Variants in TBL1XR1 observed in about 807,000 individuals in gnomAD.
TBL1XR1 encodes F-box-like/WD repeat-containing protein TBL1XR1.
A neutral mutation model predicts 66.9 loss-of-function variants in TBL1XR1; 5 were observed. The observed-to-expected ratio is 0.07, with a 90% CI of 0.04 to 0.16. The LOEUF is 0.16. TBL1XR1 is among the 10% of genes least tolerant of loss of function. The probability of loss-of-function intolerance (pLI) is 1.00; values close to 1 mark genes in which losing one functional copy is unlikely to be tolerated. For missense variants in TBL1XR1, 238 were observed against 623.2 expected (o/e 0.38, Z 6.58); for synonymous variants, 210 against 206.0 (o/e 1.02, Z -0.17).
chr3:177,043,324 CAT>C (rs963154849), intron 10 of TBL1XR1, among the ~76,000 whole-genome samples: 10 of 152,104 alleles, frequency 6.6e-5, no homozygotes, highest in Admixed American at 3.9e-4. Flanking sequence ...GTTTTTGCTT[CAT>C]ATGTTTTGAA....
At chr3:177,175,784 C>G (rs1734075502) in intron 1 of TBL1XR1, among the ~76,000 whole-genome samples, 1 of 152,104 alleles carries the variant, frequency 6.6e-6, no homozygotes, top group African/African-American at 2.4e-5. Flanking sequence ...TCAGGCCAGG[C>G]GCGGTGGCTC....
intron 1 of TBL1XR1, among the ~76,000 whole-genome samples, chr3:177,115,963 G>C (rs998693350): frequency 2.0e-5 from 3 of 152,160 alleles, no homozygotes; most frequent in African/African-American, 7.2e-5. Flanking sequence ...GGGAAGGAAT[G>C]AGGAGGCCAG....
intron 1 of TBL1XR1, among the ~76,000 whole-genome samples, chr3:177,172,679 AGGG>A (rs57285963): frequency 5.9e-5 from 3 of 51,164 alleles, no homozygotes; most frequent in Non-Finnish European, 1.2e-4. Context: ...AGGGGAGGGG[AGGG>A]GAGAGGGGAG....
At chr3:177,045,132 A>G (rs1716149167) in intron 10 of TBL1XR1, 1 of 152,142 alleles carries the variant, frequency 6.6e-6, no homozygotes, top group Non-Finnish European at 1.5e-5. Flanking sequence ...TAAACAGAGA[A>G]TGAAAAAAAA....
intron 1 of TBL1XR1, among the ~76,000 whole-genome samples, chr3:177,164,706 G>A (rs1055729776): frequency 1.3e-5 from 2 of 152,170 alleles, no homozygotes; most frequent in African/African-American, 4.8e-5. Context: ...ATGGAAAGAT[G>A]TCTCATGTTC....
chr3:177,055,823 A>T (rs954458771), intron 3 of TBL1XR1, among the ~76,000 whole-genome samples: 2 of 152,228 alleles, frequency 1.3e-5, no homozygotes, highest in African/African-American at 4.8e-5. Context: ...AAGCAGCTTA[A>T]GAGATTTAAG....
chr3:177,026,290 C>A, intron 15 of TBL1XR1, 83 bp downstream of exon 15: 1 of 1,084,520 alleles, frequency 9.2e-7, no homozygotes, highest in South Asian at 1.5e-5. Context: ...TTGAAAAAAA[C>A]ACTTTGGTAT....
At chr3:177,099,355 G>A (rs375033667) in intron 1 of TBL1XR1, 1 of 152,448 alleles carries the variant, frequency 6.6e-6, no homozygotes, top group Non-Finnish European at 1.5e-5. Flanking sequence ...GTACAACAGC[G>A]AGACTTTGTC....
At chr3:177,039,618 C>T (rs545441660) in intron 10 of TBL1XR1, among the ~76,000 whole-genome samples, 10 of 152,252 alleles carry the variant, frequency 6.6e-5, no homozygotes, top group South Asian at 6.2e-4. Context: ...TCTCCTGCTG[C>T]AAGGTGCAAA....
At chr3:177,085,571 T>C (rs559488972) in intron 2 of TBL1XR1, among the ~76,000 whole-genome samples, 1 of 152,026 alleles carries the variant, frequency 6.6e-6, no homozygotes, top group East Asian at 1.9e-4. Context: ...TTCTCAGAAG[T>C]AGACACGATA....
chr3:177,050,439 T>C (rs2108491990), intron 6 of TBL1XR1, 39 bp downstream of exon 6: 1 of 1,605,984 alleles, frequency 6.2e-7, no homozygotes. Flanking sequence ...TTCAATAAGA[T>C]ATTTTTAAGT....
Position 177,019,783 on chromosome 3 carries a change from A to G in TBL1XR1, c.*5715T>C, listed in dbSNP as rs1712121100. 1 of 152,084 alleles carries G rather than the reference A, an allele frequency of 6.6e-6. No homozygotes were observed. The highest frequency in any genetic ancestry group is 2.4e-5 in the African/African-American group (1 of 41,426). The allele number at this position is 152,084 out of a possible 1,614,324, so 9.4% of individuals were successfully genotyped here. On this transcript the variant is annotated 3_prime_UTR_variant, in exon 16 of 16. Transcript: ENST00000457928. ...AAGGATTCTAATCCTTAGGAGTCCA[A>G]CCCTTTTTGGAAAAGTATACAATGC...
chr3:177,025,596 A>C, intron 15 of TBL1XR1, 72 bp from the exon 16 acceptor site: 1 of 1,425,144 alleles, frequency 7.0e-7, no homozygotes, highest in South Asian at 1.2e-5. Flanking sequence ...ACTTTTCTAT[A>C]GTACAATTTG....
intron 1 of TBL1XR1, among the ~76,000 whole-genome samples, chr3:177,170,213 T>C (rs1431256280): frequency 2.0e-5 from 3 of 152,114 alleles, no homozygotes; most frequent in Non-Finnish European, 4.4e-5. Flanking sequence ...CCCTCAACTT[T>C]CCAAAGCTTT....
intron 14 of TBL1XR1, chr3:177,032,398 G>T (rs1159246884): frequency 6.6e-6 from 1 of 152,164 alleles, no homozygotes; most frequent in African/African-American, 2.4e-5. Context: ...AACCAACAAA[G>T]ATCCGATAAC....
rs922187609 is a variant in TBL1XR1 at position 177,111,585 on chromosome 3, C to A, written c.-121-13044G>T. 4.6e-5 allele frequency among the ~76,000 whole-genome samples: 7 copies of A among 152,100 alleles called. No homozygotes were observed. In the South Asian group the frequency reaches 6.2e-4, roughly 14 times the overall value. On this transcript the variant is annotated intron_variant, in intron 1 of 15. Coordinates refer to ENST00000457928, the MANE Select transcript of TBL1XR1 (RefSeq NM_024665.7). ...TAACTGCTGAGATTACAGGCTTCAGCCACTGCGCCAGGCCCACTATCATCT... is the reference window on the plus strand; with the variant it reads ...TAACTGCTGAGATTACAGGCTTCAGACACTGCGCCAGGCCCACTATCATCT...
chr3:177,116,833 T>C (rs1005286180), intron 1 of TBL1XR1, among the ~76,000 whole-genome samples: 4 of 152,220 alleles, frequency 2.6e-5, no homozygotes, highest in African/African-American at 9.6e-5. Flanking sequence ...AAGCACTTAA[T>C]AAATGGTAGC....
At chr3:177,056,915 C>T (rs1717873345) in intron 3 of TBL1XR1, among the ~76,000 whole-genome samples, 1 of 152,074 alleles carries the variant, frequency 6.6e-6, no homozygotes, top group South Asian at 2.1e-4. Context: ...TCCCCTCCTC[C>T]TCAATTCAGT....
Position 177,051,709 on chromosome 3 carries a change from A to G in TBL1XR1, c.222T>C (p.Asp74=). 6.3e-7 allele frequency: 1 copy of G among 1,585,432 alleles called. No homozygotes were observed. Among genetic ancestry groups the G allele is most frequent in the Non-Finnish European group, 8.6e-7 (1 of 1,162,286 alleles). The change falls in exon 5 of 16, where the codon GAT becomes GAC. Residue 74 remains aspartate, a synonymous_variant. Coordinates refer to ENST00000457928, the MANE Select transcript of TBL1XR1 (RefSeq NM_024665.7). ...GGGACAGAGACTCTATTGGTCGACC[A>G]TCAAACAAGGTACCATCCTGGATTT... is the stretch of plus-strand genomic sequence containing the variant. The part of the protein sequence containing the change: ...VSINEDGTLF[D]GRPIESLSLI...
Sources: gnomAD v4.1 joint callset for allele counts (sites outside exome capture counted in the v4.1 genomes callset) on GRCh38, gnomAD v4.1.1 for gene constraint, MANE v1.5 for transcripts, NCBI Gene and HGNC (gene_info 2026-07-23, HGNC 2026-07-21) for gene names.